B3GALT1: variants seen among roughly 807,000 people sequenced by gnomAD.
The protein encoded by B3GALT1 is beta-1,3-galactosyltransferase 1.
In B3GALT1, 10 loss-of-function variants were observed where a neutral mutation model predicts 23.2. The ratio of observed to expected loss-of-function variants is 0.43; its 90% CI spans 0.27 to 0.73. B3GALT1 has a LOEUF of 0.73. B3GALT1 is among the 30% of genes least tolerant of loss of function. The pLI, the probability that B3GALT1 is intolerant of heterozygous loss-of-function variation, is 0.21. For missense variants in B3GALT1, 299 were observed against 405.4 expected (o/e 0.74, Z 2.25); for synonymous variants, 156 against 141.5 (o/e 1.10, Z -0.73).
chr2:167,586,198 GA>G (rs1177259960), intron 2 of B3GALT1, among the ~76,000 whole-genome samples: 5 of 152,028 alleles, frequency 3.3e-5, no homozygotes, highest in African/African-American at 1.2e-4. Context: ...TCTTTGTTTT[GA>G]AAAAAATTCT....
chr2:167,426,137 A>G (rs949561011), intron 1 of B3GALT1, among the ~76,000 whole-genome samples: 2 of 152,188 alleles, frequency 1.3e-5, no homozygotes. Flanking sequence ...TGTGATCTCC[A>G]GTTATTACCA....
At chr2:167,788,930 A>G (rs1688386674) in intron 3 of B3GALT1, among the ~76,000 whole-genome samples, 2 of 152,142 alleles carry the variant, frequency 1.3e-5, no homozygotes, top group Non-Finnish European at 2.9e-5. Flanking sequence ...AGTCCATTCC[A>G]TATTCCTGTG....
chr2:167,396,871 G>A (rs1317385056), intron 1 of B3GALT1, among the ~76,000 whole-genome samples: 1 of 152,006 alleles, frequency 6.6e-6, no homozygotes, highest in Admixed American at 6.6e-5. Context: ...TTATTACCAA[G>A]CGAAGAAGGT....
At chr2:167,438,558 G>A (rs1698826024) in intron 1 of B3GALT1, among the ~76,000 whole-genome samples, 1 of 152,134 alleles carries the variant, frequency 6.6e-6, no homozygotes, top group Non-Finnish European at 1.5e-5. Flanking sequence ...TTTTTGGATG[G>A]GCATAAATTG....
intron 4 of B3GALT1, among the ~76,000 whole-genome samples, chr2:167,836,966 C>T (rs1460942813): frequency 6.6e-6 from 1 of 152,002 alleles, no homozygotes; most frequent in African/African-American, 2.4e-5. Context: ...ACTTTACAGA[C>T]AAGCAAATGC....
intron 3 of B3GALT1, among the ~76,000 whole-genome samples, chr2:167,766,602 CT>C (rs1302313671): frequency 6.6e-6 from 1 of 152,090 alleles, no homozygotes; most frequent in South Asian, 2.1e-4. Context: ...TCTTTATAGA[CT>C]TTTTAAGATT....
chr2:167,440,990 G>GAT (rs1217896270), intron 1 of B3GALT1, among the ~76,000 whole-genome samples: 2 of 151,994 alleles, frequency 1.3e-5, no homozygotes, highest in East Asian at 3.9e-4. Context: ...TTATTCATTT[G>GAT]ATATTATAAA....
At chr2:167,622,865 G>A (rs781480530) in intron 2 of B3GALT1, among the ~76,000 whole-genome samples, 6 of 151,984 alleles carry the variant, frequency 3.9e-5, no homozygotes, top group Non-Finnish European at 7.4e-5. Flanking sequence ...GATACAAAAC[G>A]AAGTAATGCA....
chr2:167,539,311 T>G (rs1312887075), intron 2 of B3GALT1, among the ~76,000 whole-genome samples: 1 of 152,030 alleles, frequency 6.6e-6, no homozygotes, highest in Non-Finnish European at 1.5e-5. Flanking sequence ...GAAAAAAATC[T>G]TTGTAATTTA....
At chr2:167,425,338 G>A (rs1698607161) in intron 1 of B3GALT1, among the ~76,000 whole-genome samples, 1 of 152,212 alleles carries the variant, frequency 6.6e-6, no homozygotes, top group African/African-American at 2.4e-5. Flanking sequence ...TGTCATATTT[G>A]TATTGAATAA....
At chr2:167,498,187 C>T (rs1699803798) in intron 2 of B3GALT1, among the ~76,000 whole-genome samples, 1 of 152,090 alleles carries the variant, frequency 6.6e-6, no homozygotes, top group Admixed American at 6.5e-5. Context: ...AATTCCCTGG[C>T]CTGAAGTATG....
chr2:167,498,923 T>C (rs1699811809), intron 2 of B3GALT1, among the ~76,000 whole-genome samples: 1 of 152,124 alleles, frequency 6.6e-6, no homozygotes, highest in Non-Finnish European at 1.5e-5. Context: ...AGTGTTTACA[T>C]TTTCAACAGG....
At chr2:167,619,882 T>A (rs1250600505) in intron 2 of B3GALT1, among the ~76,000 whole-genome samples, 1 of 152,106 alleles carries the variant, frequency 6.6e-6, no homozygotes, top group Non-Finnish European at 1.5e-5. Context: ...TATGCACTGG[T>A]AATCAAAAAG....
At chr2:167,408,522 A>G (rs922998519) in intron 1 of B3GALT1, among the ~76,000 whole-genome samples, 4 of 152,176 alleles carry the variant, frequency 2.6e-5, no homozygotes, top group African/African-American at 9.6e-5. Flanking sequence ...GGCCAGAGCA[A>G]TTAGTCAAGA....
chr2:167,872,343 T>G lies in B3GALT1; in HGVS notation c.*2323T>G, dbSNP rs1419122381. On this transcript the variant is annotated 3_prime_UTR_variant, in exon 5 of 5. Coordinates refer to ENST00000392690, the MANE Select transcript of B3GALT1 (RefSeq NM_020981.4). ...ATCCCCCACCCGAAAGGACCTGATA[T>G]GAGACAAGACTTCCCATCCCTTAAC... is the stretch of plus-strand genomic sequence containing the variant. The G allele has an allele frequency of 1.3e-5, 2 of 152,172 alleles. No homozygotes were observed. Among genetic ancestry groups the G allele is most frequent in the Non-Finnish European group, 2.9e-5 (2 of 68,054 alleles). The allele number at this position is 152,172 out of a possible 1,614,324, so 9.4% of individuals were successfully genotyped here.
chr2:167,674,875 A>C (rs1224733584), intron 3 of B3GALT1, among the ~76,000 whole-genome samples: 1 of 152,216 alleles, frequency 6.6e-6, no homozygotes, highest in Non-Finnish European at 1.5e-5. Flanking sequence ...ATATTATCAA[A>C]TTATTTTTAA....
chr2:167,805,520 A>G (rs530467077), intron 3 of B3GALT1, among the ~76,000 whole-genome samples: 5,513 of 152,122 alleles, frequency 0.036, 363 homozygotes, highest in African/African-American at 0.13. Context: ...TGTAAGGAAG[A>G]GATCCAGTTT....
chr2:167,513,528 A>G (rs567687275), intron 2 of B3GALT1, among the ~76,000 whole-genome samples: 5 of 152,212 alleles, frequency 3.3e-5, no homozygotes, highest in Admixed American at 6.5e-5. Flanking sequence ...AATGTTAGAT[A>G]TATTAAAGAT....
At chr2:167,867,345 GA>G (rs1478451158) in intron 4 of B3GALT1, among the ~76,000 whole-genome samples, 2 of 152,126 alleles carry the variant, frequency 1.3e-5, no homozygotes, top group Non-Finnish European at 2.9e-5. Context: ...CCTTAGAACA[GA>G]AATTTCTCCC....
Sources: gnomAD v4.1 joint callset for allele counts (sites outside exome capture counted in the v4.1 genomes callset) on GRCh38, gnomAD v4.1.1 for gene constraint, MANE v1.5 for transcripts, NCBI Gene and HGNC (gene_info 2026-07-23, HGNC 2026-07-21) for gene names.